Variants in TET1 observed in about 807,000 individuals in gnomAD.
TET1 encodes tet methylcytosine dioxygenase 1.
In TET1, 13 loss-of-function variants were observed where a neutral mutation model predicts 148.7. The ratio of observed to expected loss-of-function variants is 0.09; its 90% CI spans 0.06 to 0.14. The LOEUF is 0.14. Among genes scored for constraint, TET1 ranks in the 10% least tolerant of loss-of-function variants. The probability of loss-of-function intolerance (pLI) is 1.00; values close to 1 mark genes in which losing one functional copy is unlikely to be tolerated. For missense variants in TET1, 2,182 were observed against 2,553.8 expected, an observed-to-expected ratio of 0.85 and a Z score of 3.14; for synonymous variants, 907 against 937.2, an observed-to-expected ratio of 0.97 and a Z score of 0.59.
chr10:68,581,256 CTCT>C (rs1369657618), intron 2 of TET1, among the ~76,000 whole-genome samples: 7 of 152,180 alleles, frequency 4.6e-5, no homozygotes, highest in Admixed American at 1.3e-4. Flanking sequence ...ATTCAGCTTA[CTCT>C]TCTTGATGTT....
chr10:68,588,990 G>C (rs1395060441), intron 2 of TET1, among the ~76,000 whole-genome samples: 1 of 152,008 alleles, frequency 6.6e-6, no homozygotes. Flanking sequence ...GGGCATGGTG[G>C]TGAGTGCCTG....
At chr10:68,666,732 G>A (rs898834984) in intron 6 of TET1, among the ~76,000 whole-genome samples, 1 of 152,180 alleles carries the variant, frequency 6.6e-6, no homozygotes, top group African/African-American at 2.4e-5. Flanking sequence ...GGAGGGAACT[G>A]TTGAGGCAGT....
At position 68,646,602 on chromosome 10, in the gene TET1, T is replaced by C; in HGVS notation, c.3873T>C (p.Asn1291=). ...AYNSQVQLTV[N]ANQKAHPLTQ... ...ATTCTCAGGTACAGTTAACGGTGAATGCCAATCAGAAAGCCCATCCTTTGA... is the reference window on the plus strand; with the variant it reads ...ATTCTCAGGTACAGTTAACGGTGAACGCCAATCAGAAAGCCCATCCTTTGA... Residue 1291 remains asparagine (N), a synonymous_variant, in exon 4 of 12, where the codon AAT becomes AAC. Coordinates refer to ENST00000373644, the MANE Select transcript of TET1 (RefSeq NM_030625.3). 1 of 1,614,146 alleles carries C rather than the reference T, an allele frequency of 6.2e-7. No individual in the cohort carries two copies. The highest frequency in any genetic ancestry group is 1.1e-5 in the South Asian group (1 of 91,074).
rs2053539806 is a variant in TET1, at chr10:68,560,655, C to G, written c.-210C>G. The G allele has an allele frequency of 6.5e-6, 1 of 152,714 alleles. No homozygotes were observed. Among genetic ancestry groups the G allele is most frequent in the African/African-American group, 2.4e-5 (1 of 41,470 alleles). 9.5% of individuals were successfully genotyped at this position (152,714 alleles called of 1,614,324 possible). A position where few individuals can be genotyped will look rare whatever the true frequency, so the allele number is the denominator to read the frequency against. On this transcript the variant is annotated 5_prime_UTR_variant, in exon 1 of 12. Coordinates refer to ENST00000373644, the MANE Select transcript of TET1 (RefSeq NM_030625.3). ...CCCCGGGCTCCAAAGTTGTGGGGACCGGCGCGAGTTGGAAAGTTTGCCCGA... is the reference window on the plus strand; with the variant it reads ...CCCCGGGCTCCAAAGTTGTGGGGACGGGCGCGAGTTGGAAAGTTTGCCCGA...
chr10:68,611,067 G>C (rs12261197), intron 3 of TET1, among the ~76,000 whole-genome samples: 1,671 of 152,254 alleles, frequency 0.011, 30 homozygotes, highest in African/African-American at 0.037. Flanking sequence ...GGCCGAAGGT[G>C]GTGGGTCACA....
chr10:68,622,439 A>AT (rs551861664), intron 3 of TET1, among the ~76,000 whole-genome samples: 61 of 151,500 alleles, frequency 4.0e-4, no homozygotes, highest in Non-Finnish European at 6.9e-4. Context: ...TAATTTTTGT[A>AT]TTTTTTTTAG....
chr10:68,578,971 C>T (rs924699858), intron 2 of TET1, among the ~76,000 whole-genome samples: 2 of 152,066 alleles, frequency 1.3e-5, no homozygotes, highest in Admixed American at 6.6e-5. Context: ...GAGCTATGAT[C>T]GCGCCACTGC....
intron 2 of TET1, among the ~76,000 whole-genome samples, chr10:68,595,870 C>T (rs2053972463): frequency 9.1e-6 from 1 of 110,352 alleles, no homozygotes; most frequent in Non-Finnish European, 1.7e-5. Context: ...CCCGCCATGG[C>T]CTCCCAAAGT....
chr10:68,574,305 T>TA, intron 2 of TET1, 53 bp downstream of exon 2: 1 of 1,445,144 alleles, frequency 6.9e-7, no homozygotes. Context: ...TATAGTGATC[T>TA]ATATGCAGAG....
intron 3 of TET1, among the ~76,000 whole-genome samples, chr10:68,612,655 G>C (rs2054233502): frequency 2.0e-5 from 3 of 152,114 alleles, no homozygotes. Flanking sequence ...GTCTCACTTT[G>C]TCACCCAGGC....
At chr10:68,676,157 T>TG (rs1554811919) in intron 8 of TET1, among the ~76,000 whole-genome samples, 69 of 129,222 alleles carry the variant, frequency 5.3e-4, no homozygotes, top group African/African-American at 2.0e-3. Flanking sequence ...ACCTGGCCTT[T>TG]TGTGTGTGTG....
chr10:68,671,769 GTTTTGTTTTTGT>G (rs539861971), intron 7 of TET1, among the ~76,000 whole-genome samples: 2 of 152,056 alleles, frequency 1.3e-5, no homozygotes, highest in South Asian at 2.1e-4. Context: ...TTCAGAAACT[GTTTTGTTTTTGT>G]TTTTGTTTTT....
At chr10:68,575,120 A>T (rs1158300078) in intron 2 of TET1, among the ~76,000 whole-genome samples, 1 of 152,224 alleles carries the variant, frequency 6.6e-6, no homozygotes, top group Non-Finnish European at 1.5e-5. Flanking sequence ...GTGGTGGCTT[A>T]CGCCTGTAAT....
At chr10:68,576,432 G>A (rs1298718903) in intron 2 of TET1, among the ~76,000 whole-genome samples, 1 of 151,818 alleles carries the variant, frequency 6.6e-6, no homozygotes, top group Admixed American at 6.6e-5. Context: ...GAGGGCTCAG[G>A]CAGGTGGACT....
chr10:68,581,384 G>A (rs942530461), intron 2 of TET1, among the ~76,000 whole-genome samples: 22 of 151,780 alleles, frequency 1.4e-4, no homozygotes, highest in Non-Finnish European at 3.1e-4. Context: ...CTATAAATAG[G>A]GTAGTGCATT....
chr10:68,602,873 A>T (rs902518228), intron 3 of TET1, among the ~76,000 whole-genome samples: 5 of 151,546 alleles, frequency 3.3e-5, no homozygotes, highest in African/African-American at 1.2e-4. Flanking sequence ...GTTAGACATA[A>T]TTTTTTTTCT....
intron 3 of TET1, among the ~76,000 whole-genome samples, chr10:68,634,991 C>T (rs1315805569): frequency 1.3e-5 from 2 of 151,672 alleles, no homozygotes; most frequent in South Asian, 4.2e-4. Context: ...GACTGGGTTT[C>T]ACCATGTTGG....
At chr10:68,595,609 C>CTTTTTTTTTTTTTT (rs1564958558) in intron 2 of TET1, among the ~76,000 whole-genome samples, 5 of 89,408 alleles carry the variant, frequency 5.6e-5, no homozygotes, top group African/African-American at 5.0e-5. Context: ...ACACACACAG[C>CTTTTTTTTTTTTTT]TTCTTTTTTT....
intron 3 of TET1, among the ~76,000 whole-genome samples, chr10:68,629,466 T>G (rs1374073232): frequency 6.6e-6 from 1 of 152,010 alleles, no homozygotes; most frequent in Non-Finnish European, 1.5e-5. Context: ...AATCAGATAT[T>G]TAGCTTGTAA....
Sources: allele counts gnomAD v4.1 joint callset (sites outside exome capture counted in the v4.1 genomes callset), GRCh38; gene constraint gnomAD v4.1.1; transcripts MANE v1.5; gene names NCBI Gene and HGNC (gene_info 2026-07-23, HGNC 2026-07-21).